CTNND2: variants seen among roughly 807,000 people sequenced by gnomAD.
CTNND2 encodes catenin delta 2.
A neutral mutation model predicts 144.4 loss-of-function variants in CTNND2; 22 were observed. The observed-to-expected ratio is 0.15, with a 90% CI of 0.11 to 0.22. The LOEUF (loss-of-function observed/expected upper bound fraction) is 0.22, where lower values mean the gene tolerates loss of function less well. Among genes scored for constraint, CTNND2 ranks in the 10% least tolerant of loss-of-function variants. The pLI, the probability that CTNND2 is intolerant of heterozygous loss-of-function variation, is 1.00. For synonymous variants in CTNND2, 751 were observed against 695.6 expected, an observed-to-expected ratio of 1.08 and a Z score of -1.25; for missense variants, 1,353 against 1,618.8, an observed-to-expected ratio of 0.84 and a Z score of 2.82.
intron 2 of CTNND2, among the ~76,000 whole-genome samples, chr5:11,641,678 AT>A (rs1561648625): frequency 7.3e-6 from 1 of 137,660 alleles, no homozygotes; most frequent in Non-Finnish European, 1.6e-5. Context: ...ACGTGTGTAT[AT>A]ACATATACGT....
chr5:11,514,698 G>A (rs1411578250), intron 3 of CTNND2, among the ~76,000 whole-genome samples: 2 of 152,202 alleles, frequency 1.3e-5, no homozygotes, highest in African/African-American at 2.4e-5. Flanking sequence ...TGCACAGAAA[G>A]TACAAAAACA....
At chr5:11,693,763 G>C (rs1785013844) in intron 2 of CTNND2, among the ~76,000 whole-genome samples, 3 of 152,166 alleles carry the variant, frequency 2.0e-5, no homozygotes, top group Admixed American at 2.0e-4. Flanking sequence ...CAGTACGATT[G>C]ATTCTTGTTA....
intron 2 of CTNND2, among the ~76,000 whole-genome samples, chr5:11,716,312 T>C (rs1459155395): frequency 6.6e-6 from 1 of 152,186 alleles, no homozygotes; most frequent in Non-Finnish European, 1.5e-5. Flanking sequence ...GTTTAAATAA[T>C]AAAATAATTG....
chr5:11,645,275 T>G (rs1782286672), intron 2 of CTNND2, among the ~76,000 whole-genome samples: 1 of 152,178 alleles, frequency 6.6e-6, no homozygotes, highest in Non-Finnish European at 1.5e-5. Context: ...TCTAATTTTT[T>G]GATATACAAT....
At chr5:11,861,753 T>C (rs1423994436) in intron 1 of CTNND2, among the ~76,000 whole-genome samples, 1 of 152,192 alleles carries the variant, frequency 6.6e-6, no homozygotes, top group African/African-American at 2.4e-5. Flanking sequence ...CTTGATGTGT[T>C]CTCCCATCAT....
intron 9 of CTNND2, among the ~76,000 whole-genome samples, chr5:11,257,456 G>A (rs1167726162): frequency 2.0e-5 from 3 of 152,144 alleles, no homozygotes; most frequent in South Asian, 4.1e-4. Flanking sequence ...CTGCATCGCC[G>A]GGGAGGCCTC....
chr5:11,291,454 T>C (rs771692707), intron 9 of CTNND2, among the ~76,000 whole-genome samples: 1 of 152,152 alleles, frequency 6.6e-6, no homozygotes, highest in African/African-American at 2.4e-5. Flanking sequence ...TTTCCCAGTT[T>C]ACTGTGTCAA....
At chr5:11,198,917 T>C (rs149956274) in intron 11 of CTNND2, among the ~76,000 whole-genome samples, 1 of 152,366 alleles carries the variant, frequency 6.6e-6, no homozygotes, top group Non-Finnish European at 1.5e-5. Flanking sequence ...TTATCTCCAT[T>C]TTACTAAGCC....
intron 3 of CTNND2, among the ~76,000 whole-genome samples, chr5:11,435,293 C>G (rs942520254): frequency 6.6e-6 from 1 of 151,946 alleles, no homozygotes; most frequent in Non-Finnish European, 1.5e-5. Context: ...TGGCCGCCAC[C>G]AAGCCCGGCT....
Position 10,973,361 on chromosome 5 carries a change from C to T in CTNND2, c.*92G>A. 2 of 1,380,354 alleles carry T rather than the reference C, an allele frequency of 1.4e-6. No individual in the cohort carries two copies. The highest frequency in any genetic ancestry group is 1.9e-6 in the Non-Finnish European group (2 of 1,038,586). 85.5% of individuals were successfully genotyped at this position (1,380,354 alleles called of 1,614,324 possible). Reference sequence around the variant, plus strand: ...TTCCTATGGAACAGGCTTTAACAAACTAAATTTGCAGGAGAAAAAAACAAA... The same window carrying T: ...TTCCTATGGAACAGGCTTTAACAAATTAAATTTGCAGGAGAAAAAAACAAA... On this transcript the variant is annotated 3_prime_UTR_variant, in exon 22 of 22. Coordinates refer to ENST00000304623, the MANE Select transcript of CTNND2 (RefSeq NM_001332.4). This position sits in a 1 kb window ranked among gnomAD's most constrained non-coding sequence, Gnocchi z 5.6.
intron 9 of CTNND2, among the ~76,000 whole-genome samples, chr5:11,270,613 T>A (rs989603728): frequency 8.5e-5 from 13 of 152,168 alleles, no homozygotes; most frequent in African/African-American, 3.1e-4. Flanking sequence ...AAATACAGGA[T>A]CCCTGCTTCA....
At chr5:11,891,891 A>C (rs1736992528) in intron 1 of CTNND2, among the ~76,000 whole-genome samples, 2 of 152,210 alleles carry the variant, frequency 1.3e-5, no homozygotes, top group African/African-American at 4.8e-5. Context: ...GATGACAGGG[A>C]ATATAGTATG....
At chr5:11,492,789 G>C (rs1220596849) in intron 3 of CTNND2, among the ~76,000 whole-genome samples, 1 of 151,722 alleles carries the variant, frequency 6.6e-6, no homozygotes, top group Admixed American at 6.6e-5. Flanking sequence ...ATTAAGAAAA[G>C]GCTGGGTGTG....
At chr5:11,144,951 G>C (rs982222645) in intron 12 of CTNND2, among the ~76,000 whole-genome samples, 10 of 152,100 alleles carry the variant, frequency 6.6e-5, no homozygotes, top group African/African-American at 2.4e-4. Flanking sequence ...TGCCTCAGCA[G>C]AGACAGTGGT....
Position 11,364,814 on chromosome 5 carries a change from G to T in CTNND2, c.1254C>A (p.His418Gln), listed in dbSNP as rs1196948569. The T allele has an allele frequency of 6.2e-7, 1 of 1,613,964 alleles. No individual in the cohort carries two copies. The highest frequency in any genetic ancestry group is 1.3e-5 in the African/African-American group (1 of 75,042). ...GGTCTTCATAGATGGGATCTATGTG[G>T]TGTTCTGGGGACTGCAGGGCCCGCA... is the stretch of plus-strand genomic sequence containing the variant. Reference protein sequence around the residue: ...PELRALQSPEHHIDPIYEDRV... With the variant: ...PELRALQSPEQHIDPIYEDRV... The change falls in exon 8 of 22, where the codon CAC (histidine) becomes CAA (glutamine). Residue 418 changes from histidine (H) to glutamine (Q), a missense_variant. Coordinates refer to ENST00000304623, the MANE Select transcript of CTNND2 (RefSeq NM_001332.4).
intron 11 of CTNND2, among the ~76,000 whole-genome samples, chr5:11,175,458 C>T (rs1480966076): frequency 6.6e-6 from 1 of 152,098 alleles, no homozygotes; most frequent in African/African-American, 2.4e-5. Context: ...AATAGAATCC[C>T]AGCACGCACG....
At chr5:11,424,975 T>C (rs191736121) in intron 3 of CTNND2, among the ~76,000 whole-genome samples, 1 of 152,188 alleles carries the variant, frequency 6.6e-6, no homozygotes, top group East Asian at 1.9e-4. Context: ...GAAAGAGTTA[T>C]CCCTGGAGCA....
intron 16 of CTNND2, among the ~76,000 whole-genome samples, chr5:11,034,434 G>A (rs1212673415): frequency 3.9e-5 from 6 of 152,180 alleles, no homozygotes; most frequent in African/African-American, 1.4e-4. Flanking sequence ...ATTCCTCTGA[G>A]TAAAATTCTT....
At chr5:11,044,681 T>C (rs1745053123) in intron 16 of CTNND2, among the ~76,000 whole-genome samples, 1 of 152,198 alleles carries the variant, frequency 6.6e-6, no homozygotes, top group Non-Finnish European at 1.5e-5. Flanking sequence ...AGTGTCACAT[T>C]GCTAAGGTCA....
Sources: gnomAD v4.1 joint callset for allele counts (sites outside exome capture counted in the v4.1 genomes callset) on GRCh38, gnomAD v4.1.1 for gene constraint, Gnocchi (gnomAD v3.1) non-coding constraint, MANE v1.5 for transcripts, NCBI Gene and HGNC (gene_info 2026-07-23, HGNC 2026-07-21) for gene names.